Variants in IMP4 observed in about 807,000 individuals in gnomAD.
IMP4 encodes the protein IMP U3 small nucleolar ribonucleoprotein 4, also known as U3 small nucleolar ribonucleoprotein IMP4.
IMP4 carries 30 observed loss-of-function variants against 42.7 expected under a neutral mutation model. That is an observed-to-expected ratio of 0.70 (90% CI 0.53 to 0.95). The LOEUF is 0.95. Ranked by LOEUF, IMP4 falls within the 40% of genes least tolerant of loss-of-function variation. The pLI is 0.00. For missense variants in IMP4, 382 were observed against 411.4 expected (o/e 0.93, Z 0.62); for synonymous variants, 165 against 165.2 (o/e 1.00, Z 0.01).
At position 130,346,604 on chromosome 2, in the gene IMP4, A is replaced by G. The variant is rs1679596902; in HGVS notation, c.*136A>G. ...AACTGTGGCGGGTGGAGAGGTCTGA[A>G]TAAACCGTCTGTGTCATGGCCCCGC... is the stretch of plus-strand genomic sequence containing the variant. On this transcript the variant is annotated 3_prime_UTR_variant, in exon 9 of 9. Transcript: ENST00000259239. The G allele has an allele frequency of 1.4e-6, 1 of 712,472 alleles. No individual in the cohort carries two copies. The highest frequency in any genetic ancestry group is 1.7e-5 in the African/African-American group (1 of 57,314). The allele number at this position is 712,472 out of a possible 1,614,324, so 44.1% of individuals were successfully genotyped here. A position where few individuals can be genotyped will look rare whatever the true frequency, so the allele number is the denominator to read the frequency against.
At position 130,346,563 on chromosome 2, in the gene IMP4, C is replaced by T; in HGVS notation, c.*95C>T. 1.1e-6 allele frequency: 1 copy of T among 874,700 alleles called. No individual in the cohort carries two copies. The highest frequency in any genetic ancestry group is 1.8e-6 in the Non-Finnish European group (1 of 541,274). The allele number at this position is 874,700 out of a possible 1,614,324, so 54.2% of individuals were successfully genotyped here. ...GTAGGAACTGTCACAGAATGGCCTGCTGAACTGGGATGTGGAACTGTGGCG... is the reference window on the plus strand; with the variant it reads ...GTAGGAACTGTCACAGAATGGCCTGTTGAACTGGGATGTGGAACTGTGGCG... On this transcript the variant is annotated 3_prime_UTR_variant, in exon 9 of 9. Transcript: ENST00000259239.
Position 130,345,297 on chromosome 2 carries a change from T to C in IMP4, c.197-79T>C. 5 of 1,074,026 alleles carry C rather than the reference T, an allele frequency of 4.7e-6. No homozygotes were observed. Among genetic ancestry groups the C allele is most frequent in the Middle Eastern group, 2.0e-4 (1 of 5,060 alleles). 66.5% of individuals were successfully genotyped at this position (1,074,026 alleles called of 1,614,324 possible). A position where few individuals can be genotyped will look rare whatever the true frequency, so the allele number is the denominator to read the frequency against. On this transcript the variant is annotated intron_variant, in intron 3 of 8. Coordinates refer to ENST00000259239, the MANE Select transcript of IMP4 (RefSeq NM_033416.3). The surrounding 1 kb of genome is among the most constrained non-coding windows in gnomAD (Gnocchi z 4.9). The stretch of plus-strand genomic sequence containing the variant: ...TTGAAGGCTTCGGCAGACAGCGACA[T>C]CCAGGCGGTCTTGGCTGCCCCGAAG...
Position 130,345,349 on chromosome 2 carries a change from TG to T in IMP4, c.197-26del. The T allele has an allele frequency of 6.4e-7, 1 of 1,568,378 alleles. No individual in the cohort carries two copies. Among genetic ancestry groups the T allele is most frequent in the Non-Finnish European group, 8.8e-7 (1 of 1,140,102 alleles). On this transcript the variant is annotated intron_variant, in intron 3 of 8. Transcript: ENST00000259239. This position sits in a 1 kb window ranked among gnomAD's most constrained non-coding sequence, Gnocchi z 4.9. ...TAGCATTTCATTCCCAAGACTGTCA[TG>T]TTCTTGCCCCTCGTGCTCCTGACAG...
rs1220676792 is a variant in IMP4, at chr2:130,343,085, G to GCTGCGCCGCGAGGCCCGC, written c.16_33dup (p.Ala6_Glu11dup). The GCTGCGCCGCGAGGCCCGC allele has an allele frequency of 1.4e-5, 22 of 1,565,232 alleles. No individual in the cohort carries two copies. The highest frequency in any genetic ancestry group is 1.9e-5 in the Non-Finnish European group (22 of 1,153,780). ...AGTGACTGGGCCTGCTGTTCCCACA[G>GCTGCGCCGCGAGGCCCGC]CTGCGCCGCGAGGCCCGCCTGCGCC... On this transcript the variant is annotated inframe_insertion and splice_region_variant. Coordinates refer to ENST00000259239, the MANE Select transcript of IMP4 (RefSeq NM_033416.3).
At position 130,347,452 on chromosome 2, in the gene IMP4, A is replaced by G. The variant is rs1679662235; in HGVS notation, c.*984A>G. 1 of 152,176 alleles carries G rather than the reference A, an allele frequency of 6.6e-6. No homozygotes were observed. The highest frequency in any genetic ancestry group is 6.5e-5 in the Admixed American group (1 of 15,280). 9.4% of individuals were successfully genotyped at this position (152,176 alleles called of 1,614,324 possible). On this transcript the variant is annotated 3_prime_UTR_variant, in exon 9 of 9. Coordinates refer to ENST00000259239, the MANE Select transcript of IMP4 (RefSeq NM_033416.3). ...GGTTGGTGATACTGAGCATTTTTGC[A>G]TACACCGGGTCATTTGTTCTTTGTT...
chr2:130,343,198 A>G lies in IMP4; in HGVS notation c.112+4A>G. ...CGGCTGCGGCGCGCGCTGGAAGGTA[A>G]GGCATCGGCCCCGCGGGCGTCTGCG... On this transcript the variant is annotated splice_donor_region_variant and intron_variant, in intron 2 of 8. Transcript: ENST00000259239. 9.1e-6 allele frequency: 14 copies of G among 1,541,014 alleles called. No homozygotes were observed. Among genetic ancestry groups the G allele is most frequent in the Non-Finnish European group, 1.1e-5 (13 of 1,138,322 alleles).
chr2:130,345,849 G>A lies in IMP4; in HGVS notation c.510G>A (p.Arg170=). The change falls in exon 6 of 9, where the codon CGG becomes CGA. Residue 170 remains arginine (R), a synonymous_variant. Coordinates refer to ENST00000259239, the MANE Select transcript of IMP4 (RefSeq NM_033416.3). The surrounding 1 kb of genome is among the most constrained non-coding windows in gnomAD (Gnocchi z 4.9). ...TCACGCTGTGCAATGTGGTCATGCG[G>A]CATGACATCCCAGACCTGGGCACCA... ...AYFTLCNVVM[R]HDIPDLGTMS... is the part of the protein sequence containing the mutation. The A allele has an allele frequency of 6.2e-7, 1 of 1,614,160 alleles. No individual in the cohort carries two copies. Among genetic ancestry groups the A allele is most frequent in the Non-Finnish European group, 8.5e-7 (1 of 1,180,034 alleles).
At chr2:130,343,703 C>G (rs1679251935) in intron 2 of IMP4, among the ~76,000 whole-genome samples, 1 of 150,024 alleles carries the variant, frequency 6.7e-6, no homozygotes, top group South Asian at 2.1e-4. Context: ...CCTGCCACTG[C>G]ACTCCAGCCT....
At chr2:130,344,504 C>A in intron 2 of IMP4, 125 bp from the exon 3 acceptor site, 1 of 711,336 alleles carries the variant, frequency 1.4e-6, no homozygotes, top group Non-Finnish European at 2.5e-6. Flanking sequence ...ATGCTTTATC[C>A]AAGCTCAGAA....
intron 2 of IMP4, 47 bp downstream of exon 2, chr2:130,343,241 AC>A: frequency 7.7e-7 from 1 of 1,296,340 alleles, no homozygotes; most frequent in Non-Finnish European, 1.1e-6. Context: ...CCACCCCGGC[AC>A]GCATTTGTGT....
Position 130,344,674 on chromosome 2 carries a change from T to TA in IMP4, c.159dup (p.Gln54ThrfsTer7), listed in dbSNP as rs764682708. 1 of 1,614,124 alleles carries TA rather than the reference T, an allele frequency of 6.2e-7. No individual in the cohort carries two copies. The highest frequency in any genetic ancestry group is 8.5e-7 in the Non-Finnish European group (1 of 1,179,958). ...GAGTTACGCCGAGAGGCTCTGGCCT[T>TA]ACAGGGGTCCCTGGAGTTTGATGAT... On this transcript the variant is annotated frameshift_variant, in exon 3 of 9. Coordinates refer to ENST00000259239, the MANE Select transcript of IMP4 (RefSeq NM_033416.3). LOFTEE classifies it high-confidence loss of function.
chr2:130,345,000 A>C, intron 3 of IMP4: 1 of 562,898 alleles, frequency 1.8e-6, no homozygotes, highest in East Asian at 2.9e-5. Flanking sequence ...TGGTGCCCAT[A>C]CGTTTATTCA....
At position 130,347,353 on chromosome 2, in the gene IMP4, T is replaced by C. The variant is rs1415797747; in HGVS notation, c.*885T>C. ...TGTTGCCAACATTCTTTATCTTGTG[T>C]TTTTTAATAACAGCTATCCTAACAG... is the stretch of plus-strand genomic sequence containing the variant. On this transcript the variant is annotated 3_prime_UTR_variant, in exon 9 of 9. Coordinates refer to ENST00000259239, the MANE Select transcript of IMP4 (RefSeq NM_033416.3). The C allele has an allele frequency of 1.3e-5, 2 of 152,178 alleles. No homozygotes were observed. Among genetic ancestry groups the C allele is most frequent in the African/African-American group, 4.8e-5 (2 of 41,422 alleles). 9.4% of individuals were successfully genotyped at this position (152,178 alleles called of 1,614,324 possible). A position where few individuals can be genotyped will look rare whatever the true frequency, so the allele number is the denominator to read the frequency against.
chr2:130,346,115 G>A lies in IMP4; in HGVS notation c.689+3G>A, dbSNP rs1679542514. The A allele has an allele frequency of 6.2e-7, 1 of 1,614,038 alleles. No individual in the cohort carries two copies. The highest frequency in any genetic ancestry group is 8.5e-7 in the Non-Finnish European group (1 of 1,179,898). ...CAGGACGACTACATATCATTCCGGT[G>A]GGTCCACGGGCCATGCCCCAGGAAA... On this transcript the variant is annotated splice_donor_region_variant and intron_variant, in intron 7 of 8. Coordinates refer to ENST00000259239, the MANE Select transcript of IMP4 (RefSeq NM_033416.3).
At position 130,345,652 on chromosome 2, in the gene IMP4, A is replaced by G; in HGVS notation, c.392A>G (p.Asn131Ser). ...VGALVRACKA[N>S]GVTDLLVVHE... ...GCACTGGTGCGAGCCTGCAAAGCCA[A>G]CGGCGTCACCGATCTGCTGGTCGTT... Residue 131 changes from asparagine (N) to serine (S), a missense_variant, in exon 5 of 9, where the codon AAC becomes AGC. Physicochemically the swap from Asn to Ser is conservative, Grantham distance 46 (BLOSUM62 1). Coordinates refer to ENST00000259239, the MANE Select transcript of IMP4 (RefSeq NM_033416.3). The surrounding 1 kb of genome is among the most constrained non-coding windows in gnomAD (Gnocchi z 4.9). 1.2e-6 allele frequency: 2 copies of G among 1,614,036 alleles called. No individual in the cohort carries two copies. Among genetic ancestry groups the G allele is most frequent in the Non-Finnish European group, 8.5e-7 (1 of 1,180,012 alleles).
In IMP4 at chr2:130,345,858, C is replaced by T. The variant is rs754792023; in HGVS notation, c.519C>T (p.Ile173=). 4.3e-6 allele frequency: 7 copies of T among 1,614,070 alleles called. No individual in the cohort carries two copies. Among genetic ancestry groups the T allele is most frequent in the Non-Finnish European group, 5.9e-6 (7 of 1,180,046 alleles). ...GCAATGTGGTCATGCGGCATGACAT[C>T]CCAGACCTGGGCACCATGTCGGAGG... ...TLCNVVMRHD[I]PDLGTMSEAK... The change falls in exon 6 of 9, where the codon ATC becomes ATT. Residue 173 remains isoleucine (I), a synonymous_variant. Transcript: ENST00000259239. The surrounding 1 kb of genome is among the most constrained non-coding windows in gnomAD (Gnocchi z 4.9).
At position 130,345,501 on chromosome 2, in the gene IMP4, G is replaced by A; in HGVS notation, c.306+16G>A. The A allele has an allele frequency of 6.2e-7, 1 of 1,614,060 alleles. No individual in the cohort carries two copies. Among genetic ancestry groups the A allele is most frequent in the Non-Finnish European group, 8.5e-7 (1 of 1,179,970 alleles). On this transcript the variant is annotated intron_variant, in intron 4 of 8. Coordinates refer to ENST00000259239, the MANE Select transcript of IMP4 (RefSeq NM_033416.3). The surrounding 1 kb of genome is among the most constrained non-coding windows in gnomAD (Gnocchi z 4.9). ...GTTTGCAAAGGTACTGGTGAGCAGG[G>A]AGTGAGGGAGAGACACCCAGGACAC...
Position 130,342,954 on chromosome 2 carries a change from G to A in IMP4, c.3+19G>A, listed in dbSNP as rs762997581. 25 of 1,614,070 alleles carry A rather than the reference G, an allele frequency of 1.5e-5. No homozygotes were observed. The highest frequency in any genetic ancestry group is 1.9e-5 in the Non-Finnish European group (23 of 1,180,008). Reference sequence around the variant, plus strand: ...CAAGATGGTAGGAGAATGAGCTCCTGTTTCGGAGGTCCGGGGCGCGTGAAG... The same window carrying A: ...CAAGATGGTAGGAGAATGAGCTCCTATTTCGGAGGTCCGGGGCGCGTGAAG... On this transcript the variant is annotated intron_variant, in intron 1 of 8. Coordinates refer to ENST00000259239, the MANE Select transcript of IMP4 (RefSeq NM_033416.3).
chr2:130,345,743 C>G lies in IMP4; in HGVS notation c.440-36C>G, dbSNP rs1452927657. ...AGTCGGGGTGGGAGCCGTCTGAGGG[C>G]AGACGGGGTCTCTGACAGCCACCTT... is the stretch of plus-strand genomic sequence containing the variant. On this transcript the variant is annotated intron_variant, in intron 5 of 8. Coordinates refer to ENST00000259239, the MANE Select transcript of IMP4 (RefSeq NM_033416.3). The surrounding 1 kb of genome is among the most constrained non-coding windows in gnomAD (Gnocchi z 4.9). The G allele has an allele frequency of 6.2e-7, 1 of 1,612,374 alleles. No individual in the cohort carries two copies. The highest frequency in any genetic ancestry group is 8.5e-7 in the Non-Finnish European group (1 of 1,179,918).
Sources: gnomAD v4.1 joint callset for allele counts (sites outside exome capture counted in the v4.1 genomes callset) on GRCh38, gnomAD v4.1.1 for gene constraint, Gnocchi (gnomAD v3.1) non-coding constraint, MANE v1.5 for transcripts, NCBI Gene and HGNC (gene_info 2026-07-23, HGNC 2026-07-21) for gene names.